PRKN: variants seen among roughly 807,000 people sequenced by gnomAD.
The protein encoded by PRKN is E3 ubiquitin-protein ligase parkin.
Under a neutral mutation model 59.5 loss-of-function variants are expected in PRKN, and 56 were observed. The ratio of observed to expected loss-of-function variants is 0.94; its 90% CI spans 0.76 to 1.18. The LOEUF is 1.18. Ranked by LOEUF, PRKN falls within the 50% of genes most tolerant of loss-of-function variation. PRKN has a pLI of 0.00. For synonymous variants in PRKN, 250 were observed against 222.1 expected, an observed-to-expected ratio of 1.13 and a Z score of -1.12; for missense variants, 657 against 596.4, an observed-to-expected ratio of 1.10 and a Z score of -1.06.
chr6:161,386,648 A>G lies in PRKN; in HGVS notation c.1167+146T>C. On this transcript the variant is annotated intron_variant, in intron 10 of 11. Coordinates refer to ENST00000366898, the MANE Select transcript of PRKN (RefSeq NM_004562.3). The surrounding 1 kb of genome is among the most constrained non-coding windows in gnomAD (Gnocchi z 4.3). ...CAAGGAGGGGAGTCATTCTGGGAGA[A>G]GCCACGGCCCCATTCCCATGGCTGT... The G allele has an allele frequency of 1.4e-6, 1 of 725,798 alleles. No homozygotes were observed. The highest frequency in any genetic ancestry group is 2.6e-5 in the East Asian group (1 of 38,236). 45.0% of individuals were successfully genotyped at this position (725,798 alleles called of 1,614,324 possible).
intron 4 of PRKN, among the ~76,000 whole-genome samples, chr6:162,129,746 TATA>T (rs765909189): frequency 6.6e-6 from 1 of 152,190 alleles, no homozygotes; most frequent in Non-Finnish European, 1.5e-5. Flanking sequence ...TAAGGTTATT[TATA>T]ATGTTTTATA....
At chr6:162,071,073 A>G (rs1778555785) in intron 4 of PRKN, among the ~76,000 whole-genome samples, 1 of 152,040 alleles carries the variant, frequency 6.6e-6, no homozygotes, top group Non-Finnish European at 1.5e-5. Flanking sequence ...AGAGGTTGGT[A>G]TTTAAAGAAA....
intron 5 of PRKN, among the ~76,000 whole-genome samples, chr6:162,008,391 T>C (rs1337977971): frequency 6.6e-6 from 1 of 152,144 alleles, no homozygotes; most frequent in Admixed American, 6.5e-5. Flanking sequence ...TTTTGGTCAA[T>C]TGGTAGCAGC....
intron 1 of PRKN, among the ~76,000 whole-genome samples, chr6:162,636,469 G>T (rs181564794): frequency 9.2e-5 from 14 of 152,264 alleles, no homozygotes; most frequent in Admixed American, 2.6e-4. Context: ...CACAAAGAGG[G>T]TAAAGAGATG....
At chr6:162,380,863 G>T (rs948379782) in intron 2 of PRKN, among the ~76,000 whole-genome samples, 23 of 152,106 alleles carry the variant, frequency 1.5e-4, no homozygotes, top group Non-Finnish European at 2.6e-4. Context: ...TTAAGAGTCT[G>T]TATCACTGGA....
At chr6:161,351,678 T>A (rs1322801921) in intron 11 of PRKN, among the ~76,000 whole-genome samples, 2 of 152,206 alleles carry the variant, frequency 1.3e-5, no homozygotes. Context: ...AAAATTTTAA[T>A]TAAGATGAGA....
At chr6:162,137,857 G>A (rs572563258) in intron 4 of PRKN, among the ~76,000 whole-genome samples, 1 of 152,284 alleles carries the variant, frequency 6.6e-6, no homozygotes, top group East Asian at 1.9e-4. Flanking sequence ...TTCAACATGA[G>A]TTTTGGAAGG....
At chr6:161,511,467 G>A (rs1157393812) in intron 9 of PRKN, among the ~76,000 whole-genome samples, 1 of 152,092 alleles carries the variant, frequency 6.6e-6, no homozygotes, top group Non-Finnish European at 1.5e-5. Flanking sequence ...CTGGGGAATT[G>A]GCAATAAGGA....
intron 4 of PRKN, among the ~76,000 whole-genome samples, chr6:162,138,001 G>C (rs978148247): frequency 6.6e-6 from 1 of 152,046 alleles, no homozygotes; most frequent in Non-Finnish European, 1.5e-5. Context: ...AGCTATAGCA[G>C]AGGAAGGGAG....
At chr6:162,015,609 CCT>C (rs1269648114) in intron 5 of PRKN, among the ~76,000 whole-genome samples, 3 of 152,186 alleles carry the variant, frequency 2.0e-5, no homozygotes, top group Non-Finnish European at 4.4e-5. Flanking sequence ...TCCTTTCTCC[CCT>C]GTCACCTTCC....
intron 9 of PRKN, among the ~76,000 whole-genome samples, chr6:161,469,643 G>A (rs941215458): frequency 8.6e-5 from 13 of 152,046 alleles, no homozygotes; most frequent in African/African-American, 3.1e-4. Flanking sequence ...GAAGATGGAG[G>A]AAGGGACCTC....
chr6:161,630,622 T>C (rs1582915442), intron 7 of PRKN, among the ~76,000 whole-genome samples: 1 of 152,188 alleles, frequency 6.6e-6, no homozygotes. Context: ...AAATTCAAAC[T>C]TTCACAAATT....
At chr6:161,795,089 C>T in intron 6 of PRKN, among the ~76,000 whole-genome samples, 1 of 151,772 alleles carries the variant, frequency 6.6e-6, no homozygotes, top group Non-Finnish European at 1.5e-5. Flanking sequence ...TTTCACCAAG[C>T]TAGCCAGGAT....
chr6:162,214,776 G>T (rs926434606), intron 3 of PRKN, among the ~76,000 whole-genome samples: 2 of 152,092 alleles, frequency 1.3e-5, no homozygotes, highest in African/African-American at 4.8e-5. Context: ...ATTGGTCATG[G>T]TATCTTATGA....
At chr6:162,155,085 T>A in intron 4 of PRKN, among the ~76,000 whole-genome samples, 1 of 127,456 alleles carries the variant, frequency 7.8e-6, no homozygotes, top group African/African-American at 3.0e-5. Context: ...AAATCAAAGA[T>A]GGAAAAAAAA....
chr6:161,424,741 G>A (rs1788255620), intron 9 of PRKN, among the ~76,000 whole-genome samples: 1 of 152,164 alleles, frequency 6.6e-6, no homozygotes, highest in Admixed American at 6.5e-5. Context: ...TGGAGAGGAT[G>A]TAGGCAAAAC....
At chr6:162,139,486 C>T (rs546877224) in intron 4 of PRKN, among the ~76,000 whole-genome samples, 1 of 152,198 alleles carries the variant, frequency 6.6e-6, no homozygotes, top group South Asian at 2.1e-4. Context: ...CTTATGAGGA[C>T]GTCGGGTGTG....
chr6:161,670,643 G>A (rs566848366), intron 7 of PRKN, among the ~76,000 whole-genome samples: 2 of 152,080 alleles, frequency 1.3e-5, no homozygotes, highest in African/African-American at 2.4e-5. Flanking sequence ...GTGAAACCCC[G>A]TCTCTACTAA....
chr6:161,985,418 G>A (rs761140904), intron 5 of PRKN, among the ~76,000 whole-genome samples: 1 of 152,098 alleles, frequency 6.6e-6, no homozygotes, highest in South Asian at 2.1e-4. Flanking sequence ...TCCCACCACC[G>A]AGTGTTCGAC....
Sources: gnomAD v4.1 joint callset for allele counts (sites outside exome capture counted in the v4.1 genomes callset) on GRCh38, gnomAD v4.1.1 for gene constraint, Gnocchi (gnomAD v3.1) non-coding constraint, MANE v1.5 for transcripts, NCBI Gene and HGNC (gene_info 2026-07-23, HGNC 2026-07-21) for gene names.